KIF2A: variants seen among roughly 807,000 people sequenced by gnomAD.
The protein encoded by KIF2A is kinesin family member 2A.
A neutral mutation model predicts 100.2 loss-of-function variants in KIF2A; 22 were observed. That is an observed-to-expected ratio of 0.22 (90% CI 0.16 to 0.31). The LOEUF (loss-of-function observed/expected upper bound fraction) is 0.31, where lower values mean the gene tolerates loss of function less well. KIF2A is among the 10% of genes least tolerant of loss of function. KIF2A has a pLI of 1.00. For synonymous variants in KIF2A, 268 were observed against 285.9 expected (o/e 0.94, Z 0.63); for missense variants, 495 against 898.7 (o/e 0.55, Z 5.74).
At chr5:62,357,893 C>A in intron 8 of KIF2A, 148 bp downstream of exon 8, 1 of 650,654 alleles carries the variant, frequency 1.5e-6, no homozygotes, top group South Asian at 2.0e-5. Context: ...TATGGCTAAA[C>A]TTGTCAGTTT....
At chr5:62,338,499 A>G (rs1747097695) in intron 1 of KIF2A, among the ~76,000 whole-genome samples, 1 of 152,178 alleles carries the variant, frequency 6.6e-6, no homozygotes, top group Non-Finnish European at 1.5e-5. Context: ...CATGTTGGCC[A>G]GGGTGGTCTC....
At chr5:62,367,074 T>C (rs920394022) in intron 16 of KIF2A, among the ~76,000 whole-genome samples, 6 of 152,198 alleles carry the variant, frequency 3.9e-5, no homozygotes, top group African/African-American at 1.4e-4. Flanking sequence ...TTTTACTGCA[T>C]TTAAATCATG....
intron 1 of KIF2A, among the ~76,000 whole-genome samples, chr5:62,335,247 GC>G (rs950277494): frequency 3.3e-5 from 5 of 152,226 alleles, no homozygotes; most frequent in Admixed American, 2.6e-4. Flanking sequence ...TGGGGCTAGG[GC>G]TAGAAGATGA....
intron 1 of KIF2A, among the ~76,000 whole-genome samples, chr5:62,339,408 A>G (rs1747156236): frequency 6.6e-6 from 1 of 151,884 alleles, no homozygotes; most frequent in Non-Finnish European, 1.5e-5. Context: ...TATAGGGATT[A>G]CAATTCCACG....
intron 1 of KIF2A, among the ~76,000 whole-genome samples, chr5:62,322,734 G>A (rs12696990): frequency 0.52 from 78,633 of 151,714 alleles, 21,195 homozygotes; most frequent in South Asian, 0.65. Context: ...ACACATATAT[G>A]CATATATGGT....
chr5:62,356,245 C>T (rs1239474765), intron 7 of KIF2A, among the ~76,000 whole-genome samples: 1 of 152,130 alleles, frequency 6.6e-6, no homozygotes, highest in Non-Finnish European at 1.5e-5. Flanking sequence ...ACTTGTATCC[C>T]ACATATTTTA....
rs184597426 is a variant in KIF2A at position 62,389,506 on chromosome 5, T to G, written c.*3937T>G. On this transcript the variant is annotated 3_prime_UTR_variant, in exon 21 of 21. Coordinates refer to ENST00000407818, the MANE Select transcript of KIF2A (RefSeq NM_001098511.3). ...GTCTCAAAAAAAAAAAAAAAAGAAA[T>G]GTTATTGTCTGACTAAATTTATAAG... Among the ~76,000 whole-genome samples the G allele has an allele frequency of 9.2e-3, 850 of 92,322 alleles. 18 individuals are homozygous for G. The highest frequency in any genetic ancestry group is 0.035 in the African/African-American group (745 of 21,186). The allele number at this position is 92,322 out of a possible 152,430, so 60.6% of individuals were successfully genotyped here.
chr5:62,369,611 G>A (rs1266160907), intron 16 of KIF2A, among the ~76,000 whole-genome samples: 1 of 151,910 alleles, frequency 6.6e-6, no homozygotes, highest in Non-Finnish European at 1.5e-5. Flanking sequence ...CAAATCTCTA[G>A]GAATAAAGAT....
At chr5:62,336,338 T>A (rs1314067991) in intron 1 of KIF2A, among the ~76,000 whole-genome samples, 2 of 152,150 alleles carry the variant, frequency 1.3e-5, no homozygotes, top group East Asian at 3.8e-4. Context: ...GGAGCTAGAT[T>A]TATAAGAAAT....
In KIF2A at chr5:62,319,482, C is replaced by T. The variant is rs563015586; in HGVS notation, c.64+12946C>T. ...CTAACTGCTGTATCTCCTTTTGATT[C>T]CTAGCCTAAGATGGGTCCCCTGCTT... is the stretch of plus-strand genomic sequence containing the variant. On this transcript the variant is annotated intron_variant, in intron 1 of 20. Coordinates refer to ENST00000407818, the MANE Select transcript of KIF2A (RefSeq NM_001098511.3). 1.2e-3 allele frequency among the ~76,000 whole-genome samples: 183 copies of T among 152,296 alleles called. 1 individual carries two copies. Among genetic ancestry groups the T allele is most frequent in the Non-Finnish European group, 1.5e-3 (105 of 68,020 alleles).
At position 62,388,758 on chromosome 5, in the gene KIF2A, C is replaced by T. The variant is rs962080697; in HGVS notation, c.*3189C>T. The T allele has an allele frequency of 1.6e-5, 8 of 494,110 alleles. No individual in the cohort carries two copies. The highest frequency in any genetic ancestry group is 1.5e-5 in the Non-Finnish European group (4 of 275,792). The allele number at this position is 494,110 out of a possible 1,614,324, so 30.6% of individuals were successfully genotyped here. A position where few individuals can be genotyped will look rare whatever the true frequency, so the allele number is the denominator to read the frequency against. ...TAGAAATGATAAGTGTAAAGTTGTG[C>T]GTCTCTGCGGCTCCTGAACTTGAAG... is the stretch of plus-strand genomic sequence containing the variant. On this transcript the variant is annotated 3_prime_UTR_variant, in exon 21 of 21. Coordinates refer to ENST00000407818, the MANE Select transcript of KIF2A (RefSeq NM_001098511.3).
At chr5:62,344,214 G>A (rs1234312687) in intron 1 of KIF2A, among the ~76,000 whole-genome samples, 1 of 151,980 alleles carries the variant, frequency 6.6e-6, no homozygotes, top group Non-Finnish European at 1.5e-5. Flanking sequence ...GCGTGGTGGT[G>A]CGCACCTGTA....
intron 18 of KIF2A, among the ~76,000 whole-genome samples, chr5:62,377,253 A>G (rs911039811): frequency 3.9e-5 from 6 of 152,234 alleles, no homozygotes; most frequent in African/African-American, 9.6e-5. Flanking sequence ...TACTATCTTC[A>G]TATCTTTTTT....
At chr5:62,380,530 C>T (rs932972124) in intron 19 of KIF2A, among the ~76,000 whole-genome samples, 1 of 151,982 alleles carries the variant, frequency 6.6e-6, no homozygotes, top group Non-Finnish European at 1.5e-5. Flanking sequence ...GGATGCTGAC[C>T]CCCAGCACAG....
At chr5:62,313,413 C>T (rs1179365061) in intron 1 of KIF2A, among the ~76,000 whole-genome samples, 1 of 152,066 alleles carries the variant, frequency 6.6e-6, no homozygotes, top group Admixed American at 6.6e-5. Flanking sequence ...AGTGCAGTGG[C>T]GTGATCTCGG....
intron 1 of KIF2A, among the ~76,000 whole-genome samples, chr5:62,338,788 T>C (rs1335553735): frequency 6.6e-6 from 1 of 152,116 alleles, no homozygotes; most frequent in Non-Finnish European, 1.5e-5. Context: ...GTAGAAAATA[T>C]TTGCTATACA....
chr5:62,371,995 C>T (rs1205215908), intron 16 of KIF2A, among the ~76,000 whole-genome samples: 1 of 152,172 alleles, frequency 6.6e-6, no homozygotes, highest in Non-Finnish European at 1.5e-5. Context: ...TCATTACAAA[C>T]AATGGATGCC....
chr5:62,318,507 G>C (rs1745942232), intron 1 of KIF2A, among the ~76,000 whole-genome samples: 1 of 152,314 alleles, frequency 6.6e-6, no homozygotes, highest in East Asian at 1.9e-4. Context: ...TATATGGTAA[G>C]TGCTTTCTTT....
chr5:62,339,841 G>C (rs1747193012), intron 1 of KIF2A, among the ~76,000 whole-genome samples: 1 of 150,134 alleles, frequency 6.7e-6, no homozygotes, highest in Admixed American at 6.6e-5. Context: ...AAACTGTTTA[G>C]ATTTCTGTGT....
Sources: allele counts gnomAD v4.1 joint callset (sites outside exome capture counted in the v4.1 genomes callset), GRCh38; gene constraint gnomAD v4.1.1; transcripts MANE v1.5; gene names NCBI Gene and HGNC (gene_info 2026-07-23, HGNC 2026-07-21).